The following PPP2R2B variants were observed in gnomAD, a reference collection of about 807,000 sequenced individuals.
The protein encoded by PPP2R2B is serine/threonine-protein phosphatase 2A 55 kDa regulatory subunit B beta isoform.
PPP2R2B carries 5 observed loss-of-function variants against 46.0 expected under a neutral mutation model. The observed-to-expected ratio is 0.11, with a 90% CI of 0.06 to 0.23. The LOEUF is 0.23. PPP2R2B is among the 10% of genes least tolerant of loss of function. PPP2R2B has a pLI of 1.00. For synonymous variants in PPP2R2B, 215 were observed against 206.7 expected, an observed-to-expected ratio of 1.04 and a Z score of -0.34; for missense variants, 367 against 575.0, an observed-to-expected ratio of 0.64 and a Z score of 3.70.
intron 1 of PPP2R2B, among the ~76,000 whole-genome samples, chr5:146,970,344 T>C (rs1337268374): frequency 6.6e-6 from 1 of 151,952 alleles, no homozygotes; most frequent in African/African-American, 2.4e-5. Context: ...TTCATGCCTG[T>C]AATCCCAGCA....
chr5:146,931,390 G>A (rs1403568147), intron 1 of PPP2R2B, among the ~76,000 whole-genome samples: 3 of 152,028 alleles, frequency 2.0e-5, no homozygotes, highest in Non-Finnish European at 4.4e-5. Context: ...AGGCCTTCTT[G>A]GAACTGTCCG....
At chr5:147,081,505 G>T, upstream of PPP2R2B, 1 of 583,990 alleles carries the variant, frequency 1.7e-6, no homozygotes, top group Non-Finnish European at 3.0e-6. Flanking sequence ...GCTTTTGATT[G>T]TTTTCCTTCT....
chr5:146,699,194 AC>A (rs1345263405), intron 3 of PPP2R2B, among the ~76,000 whole-genome samples: 1 of 152,170 alleles, frequency 6.6e-6, no homozygotes, highest in Admixed American at 6.5e-5. Context: ...AAATATCCAA[AC>A]CCAAATCTCA....
chr5:147,003,129 CT>C (rs1754263490), intron 1 of PPP2R2B, among the ~76,000 whole-genome samples: 1 of 152,088 alleles, frequency 6.6e-6, no homozygotes, highest in Non-Finnish European at 1.5e-5. Context: ...TCCAAGCTTT[CT>C]TTTCATTGAA....
intron 5 of PPP2R2B, among the ~76,000 whole-genome samples, chr5:146,665,593 T>C (rs991024844): frequency 1.2e-4 from 18 of 152,226 alleles, no homozygotes; most frequent in African/African-American, 4.3e-4. Flanking sequence ...TTCTTATCAT[T>C]TGTGTGCTCT....
At chr5:146,596,971 G>A (rs1771234802) in intron 8 of PPP2R2B, among the ~76,000 whole-genome samples, 1 of 152,194 alleles carries the variant, frequency 6.6e-6, no homozygotes, top group African/African-American at 2.4e-5. Context: ...GATCTCCTCT[G>A]AAGACACTCA....
At chr5:146,952,344 G>T (rs79321864) in intron 1 of PPP2R2B, among the ~76,000 whole-genome samples, 1,713 of 152,008 alleles carry the variant, frequency 0.011, 34 homozygotes, top group African/African-American at 0.039. Flanking sequence ...ACAGCATCCT[G>T]CTGGGGCACC....
intron 2 of PPP2R2B, among the ~76,000 whole-genome samples, chr5:146,704,881 T>C (rs951081067): frequency 6.6e-6 from 1 of 152,234 alleles, no homozygotes; most frequent in Admixed American, 6.5e-5. Flanking sequence ...AACAGAGGAA[T>C]CTCCTAGTTC....
intron 1 of PPP2R2B, among the ~76,000 whole-genome samples, chr5:146,994,037 G>A (rs947950054): frequency 2.2e-4 from 33 of 152,280 alleles, no homozygotes; most frequent in Middle Eastern, 3.4e-3. Context: ...TAAGCAGGTT[G>A]TGGCTTCTTA....
chr5:147,018,704 AC>A lies in PPP2R2B; in HGVS notation c.79+36960del, dbSNP rs553587926. 2.6e-5 allele frequency among the ~76,000 whole-genome samples: 4 copies of A among 152,118 alleles called. No homozygotes were observed. The South Asian group carries it at 8.3e-4, about 32-fold the overall frequency. On this transcript the variant is annotated intron_variant, in intron 1 of 8. Transcript: ENST00000336640. ...TTGTGTTAGTTTCATTTGTCATGGG[AC>A]CCCTTGCAGGAGAACAAGGGTTATG...
chr5:146,620,741 C>A (rs111765994), intron 7 of PPP2R2B, among the ~76,000 whole-genome samples: 2 of 152,164 alleles, frequency 1.3e-5, no homozygotes, highest in South Asian at 2.1e-4. Flanking sequence ...GTCTCTCCCC[C>A]TGAGATAGCA....
chr5:146,845,242 T>C (rs893962852), intron 2 of PPP2R2B, among the ~76,000 whole-genome samples: 1 of 152,064 alleles, frequency 6.6e-6, no homozygotes, highest in African/African-American at 2.4e-5. Context: ...TTATCCAGTA[T>C]CTCAACCTCT....
At chr5:146,656,813 A>C (rs907760461) in intron 5 of PPP2R2B, 1 of 152,230 alleles carries the variant, frequency 6.6e-6, no homozygotes, top group Non-Finnish European at 1.5e-5. Flanking sequence ...AGGAAAGCTC[A>C]GGGAGGTGTG....
rs917259858 is a variant in PPP2R2B at position 146,844,710 on chromosome 5, G to A, written c.70+33292C>T. On this transcript the variant is annotated intron_variant, in intron 2 of 9. Transcript: ENST00000394411. ...AGAGCAGCTCAACAAAGCCAGCTGG[G>A]TTTAGCAACCCCATTTCTTTCTTTC... Among the ~76,000 whole-genome samples the A allele has an allele frequency of 2.0e-5, 3 of 152,186 alleles. No individual in the cohort carries two copies. The South Asian group carries it at 6.2e-4, about 32-fold the overall frequency.
At chr5:147,050,150 T>G (rs1259388680) in intron 1 of PPP2R2B, among the ~76,000 whole-genome samples, 1 of 152,180 alleles carries the variant, frequency 6.6e-6, no homozygotes. Flanking sequence ...ATTCATGCAT[T>G]GTACATAAAA....
chr5:147,071,527 T>C (rs1757598482), intron 2 of PPP2R2B, among the ~76,000 whole-genome samples: 2 of 152,188 alleles, frequency 1.3e-5, no homozygotes, highest in African/African-American at 4.8e-5. Flanking sequence ...TCAGACACAC[T>C]GGCCACAAGT....
At chr5:147,012,461 TTCTC>T (rs1754787420) in intron 1 of PPP2R2B, among the ~76,000 whole-genome samples, 1 of 152,164 alleles carries the variant, frequency 6.6e-6, no homozygotes, top group South Asian at 2.1e-4. Context: ...TATTAGATTC[TTCTC>T]TCTTTTTTTC....
chr5:146,812,700 T>C (rs867151767), intron 2 of PPP2R2B, among the ~76,000 whole-genome samples: 5 of 41,532 alleles, frequency 1.2e-4, no homozygotes, highest in South Asian at 1.2e-3. Context: ...TATATATATA[T>C]ACACTGCTAT....
chr5:146,826,422 C>T (rs1006143126), intron 2 of PPP2R2B, among the ~76,000 whole-genome samples: 6 of 152,006 alleles, frequency 3.9e-5, no homozygotes, highest in African/African-American at 1.5e-4. Context: ...TAGAGACCAC[C>T]CTGAAAATAA....
Sources: allele counts gnomAD v4.1 joint callset (sites outside exome capture counted in the v4.1 genomes callset), GRCh38; gene constraint gnomAD v4.1.1; transcripts MANE v1.5; gene names NCBI Gene and HGNC (gene_info 2026-07-23, HGNC 2026-07-21).